SOS1: variants seen among roughly 807,000 people sequenced by gnomAD.
The protein encoded by SOS1 is SOS Ras/Rac guanine nucleotide exchange factor 1.
Under a neutral mutation model 157.6 loss-of-function variants are expected in SOS1, and 25 were observed. The ratio of observed to expected loss-of-function variants is 0.16; its 90% CI spans 0.12 to 0.22. SOS1 has a LOEUF of 0.22. Among genes scored for constraint, SOS1 ranks in the 10% least tolerant of loss-of-function variants. The probability of loss-of-function intolerance (pLI) is 1.00; values close to 1 mark genes in which losing one functional copy is unlikely to be tolerated. For missense variants in SOS1, 1,237 were observed against 1,599.1 expected (o/e 0.77, Z 3.86); for synonymous variants, 528 against 534.0 (o/e 0.99, Z 0.16).
Position 39,079,728 on chromosome 2 carries a change from C to T in SOS1, c.88-11975G>A, listed in dbSNP as rs572820238. 6.6e-5 allele frequency among the ~76,000 whole-genome samples: 10 copies of T among 152,074 alleles called. No homozygotes were observed. The South Asian group carries it at 1.2e-3, about 19-fold the overall frequency. On this transcript the variant is annotated intron_variant, in intron 1 of 22. Transcript: ENST00000402219. Reference sequence around the variant, plus strand: ...CAGGCTGGTCTCAAACTCCTGACCTCGTGATCTGCCCACCTTGGCCTCCCA... The same window carrying T: ...CAGGCTGGTCTCAAACTCCTGACCTTGTGATCTGCCCACCTTGGCCTCCCA...
intron 1 of SOS1, among the ~76,000 whole-genome samples, chr2:39,112,072 T>C (rs1233796214): frequency 1.3e-5 from 2 of 152,172 alleles, no homozygotes; most frequent in African/African-American, 4.8e-5. Flanking sequence ...TATCCTTCTC[T>C]TCTAACTCAC....
At chr2:39,015,407 A>G (rs888597082) in intron 10 of SOS1, among the ~76,000 whole-genome samples, 1 of 152,112 alleles carries the variant, frequency 6.6e-6, no homozygotes, top group Non-Finnish European at 1.5e-5. Flanking sequence ...GCTTACAAAT[A>G]CTTATAAGCT....
chr2:39,013,140 T>C (rs1669523312), intron 13 of SOS1, among the ~76,000 whole-genome samples: 1 of 152,066 alleles, frequency 6.6e-6, no homozygotes, highest in Admixed American at 6.6e-5. Context: ...CCACTCGACC[T>C]CCATCAGTGG....
chr2:39,014,809 T>C lies in SOS1; in HGVS notation c.1896A>G (p.Arg632=). ...GTAGTTCTTGAGGTTTGCAAAAGGA[T>C]CTGTATGTTGTAAGAAATGTCCGAA... ...NFVRTFLTTY[R]SFCKPQELLS... is the part of the protein sequence containing the mutation. The change falls in exon 11 of 23, where the codon AGA becomes AGG. Residue 632 remains arginine, a synonymous_variant. Transcript: ENST00000402219. The C allele has an allele frequency of 6.2e-7, 1 of 1,602,032 alleles. No individual in the cohort carries two copies.
intron 6 of SOS1, among the ~76,000 whole-genome samples, chr2:39,047,276 G>A (rs145505016): frequency 6.5e-4 from 99 of 152,228 alleles, no homozygotes; most frequent in African/African-American, 2.3e-3. Flanking sequence ...TTTATTGTGT[G>A]AATATACCAC....
intron 17 of SOS1, 96 bp from the exon 18 acceptor site, chr2:38,997,521 C>T (rs1668936020): frequency 1.3e-6 from 1 of 764,298 alleles, no homozygotes; most frequent in African/African-American, 1.7e-5. Flanking sequence ...TGTACCATCT[C>T]AGTTGCCAAA....
chr2:39,025,718 T>C (rs555775670), intron 8 of SOS1, among the ~76,000 whole-genome samples: 1 of 152,278 alleles, frequency 6.6e-6, no homozygotes, highest in African/African-American at 2.4e-5. Flanking sequence ...TTTAAGGATT[T>C]TGTGTTTTTC....
intron 1 of SOS1, among the ~76,000 whole-genome samples, chr2:39,092,307 G>A (rs297142): frequency 0.8 from 121,603 of 152,040 alleles, 50,803 homozygotes; most frequent in Non-Finnish European, 0.92. Flanking sequence ...TGTTTCTTGC[G>A]CACCCCAAGC....
In SOS1 at chr2:38,981,616, C is replaced by G. The variant is rs1668401275; in HGVS notation, c.*4208G>C. 1 of 151,966 alleles carries G rather than the reference C, an allele frequency of 6.6e-6. No homozygotes were observed. Among genetic ancestry groups the G allele is most frequent in the African/African-American group, 2.4e-5 (1 of 41,378 alleles). 9.4% of individuals were successfully genotyped at this position (151,966 alleles called of 1,614,324 possible). On this transcript the variant is annotated 3_prime_UTR_variant, in exon 23 of 23. Coordinates refer to ENST00000402219, the MANE Select transcript of SOS1 (RefSeq NM_005633.4). ...TATCTTAGTAATGCCAGAAAAATAA[C>G]AGCCGTTATTTTCACTTTAAATGCA... is the stretch of plus-strand genomic sequence containing the variant.
chr2:39,045,275 T>A (rs147366269), intron 6 of SOS1, among the ~76,000 whole-genome samples: 5,547 of 102,866 alleles, frequency 0.054, 225 homozygotes, highest in African/African-American at 0.14. Flanking sequence ...AGAGAGAGAG[T>A]GTGTGTGTGT....
intron 20 of SOS1, among the ~76,000 whole-genome samples, chr2:38,991,031 T>A (rs1161516216): frequency 6.6e-6 from 1 of 152,130 alleles, no homozygotes; most frequent in Non-Finnish European, 1.5e-5. Context: ...TGGCTGTACA[T>A]TAGAATCCTA....
At chr2:39,114,522 C>T (rs1218128941) in intron 1 of SOS1, among the ~76,000 whole-genome samples, 2 of 152,000 alleles carry the variant, frequency 1.3e-5, no homozygotes, top group Admixed American at 6.6e-5. Context: ...AGGCTGGTAT[C>T]GAACTCCTGA....
chr2:39,054,847 A>C, intron 4 of SOS1, 24 bp from the exon 5 acceptor site: 1 of 1,150,670 alleles, frequency 8.7e-7, no homozygotes, highest in Non-Finnish European at 1.3e-6. Context: ...GATATAAAAA[A>C]GTATAATAAA....
chr2:39,051,463 G>T (rs1232139597), intron 5 of SOS1, 176 bp from the exon 6 acceptor site: 2 of 593,504 alleles, frequency 3.4e-6, no homozygotes, highest in African/African-American at 1.9e-5. Context: ...CTGCAAAGGT[G>T]TACAATTTGC....
At chr2:39,059,949 T>C (rs750402387) in intron 2 of SOS1, among the ~76,000 whole-genome samples, 10 of 152,114 alleles carry the variant, frequency 6.6e-5, no homozygotes, top group Non-Finnish European at 1.2e-4. Context: ...TTCAACTGTC[T>C]AGTTGAAAAG....
intron 8 of SOS1, among the ~76,000 whole-genome samples, chr2:39,034,347 A>G (rs1021738030): frequency 3.9e-5 from 6 of 152,338 alleles, no homozygotes; most frequent in African/African-American, 9.6e-5. Flanking sequence ...CAGAGAGCCC[A>G]TTTTATCATC....
upstream of SOS1, among the ~76,000 whole-genome samples, chr2:39,121,846 CTGTT>C (rs1228468029): frequency 6.6e-6 from 1 of 152,210 alleles, no homozygotes; most frequent in Non-Finnish European, 1.5e-5. Context: ...CTCCAGGCCA[CTGTT>C]TGTTTATAAT....
Position 39,060,162 on chromosome 2 carries a change from T to TA in SOS1, c.214-1359dup, listed in dbSNP as rs531243592. ...AATGACAAGATATTTAGGACTAACT[T>TA]ACGTGGTTTTCAGTTAAAATGTTTA... On this transcript the variant is annotated intron_variant, in intron 2 of 22. Coordinates refer to ENST00000402219, the MANE Select transcript of SOS1 (RefSeq NM_005633.4). Among the ~76,000 whole-genome samples the TA allele has an allele frequency of 9.0e-4, 137 of 152,344 alleles. 3 individuals carry two copies. Among genetic ancestry groups the TA allele is most frequent in the African/African-American group, 3.3e-3 (136 of 41,580 alleles).
At chr2:39,109,186 G>A (rs558541753) in intron 1 of SOS1, among the ~76,000 whole-genome samples, 3 of 152,120 alleles carry the variant, frequency 2.0e-5, no homozygotes, top group Non-Finnish European at 2.9e-5. Flanking sequence ...ATGACAGAGC[G>A]AGAACTTGTC....
Sources: gnomAD v4.1 joint callset for allele counts (sites outside exome capture counted in the v4.1 genomes callset) on GRCh38, gnomAD v4.1.1 for gene constraint, MANE v1.5 for transcripts, NCBI Gene and HGNC (gene_info 2026-07-23, HGNC 2026-07-21) for gene names.